Variants in IFT74 observed in about 807,000 individuals in gnomAD.
IFT74 encodes the protein intraflagellar transport 74.
A neutral mutation model predicts 96.7 loss-of-function variants in IFT74; 92 were observed. The ratio of observed to expected loss-of-function variants is 0.95; its 90% CI spans 0.80 to 1.13. The LOEUF (loss-of-function observed/expected upper bound fraction) is 1.13. Among genes scored for constraint, IFT74 ranks in the 50% most tolerant of loss-of-function variants. IFT74 has a pLI of 0.00. For synonymous variants in IFT74, 223 were observed against 213.2 expected (o/e 1.05, Z -0.40); for missense variants, 811 against 698.2 (o/e 1.16, Z -1.82).
In IFT74 at chr9:27,035,167, G is replaced by A. The variant is rs138462088; in HGVS notation, c.1054+6063G>A. ...TATTAATTAGTGACTTATTGTTAAT[G>A]CTGTTACTTTATAAAAGCAAAATTG... On this transcript the variant is annotated intron_variant, in intron 13 of 19. Coordinates refer to ENST00000380062, the MANE Select transcript of IFT74 (RefSeq NM_025103.4). 3.8e-3 allele frequency among the ~76,000 whole-genome samples: 585 copies of A among 152,272 alleles called. 5 individuals carry two copies. Among genetic ancestry groups the A allele is most frequent in the African/African-American group, 0.013 (560 of 41,564 alleles).
chr9:26,990,772 C>T (rs1258782359), intron 8 of IFT74, among the ~76,000 whole-genome samples: 1 of 152,086 alleles, frequency 6.6e-6, no homozygotes, highest in African/African-American at 2.4e-5. Context: ...TGTGTTTTGT[C>T]AGTTGTTTGG....
At chr9:26,975,763 A>G (rs985396943) in intron 2 of IFT74, among the ~76,000 whole-genome samples, 5 of 152,294 alleles carry the variant, frequency 3.3e-5, no homozygotes, top group Admixed American at 3.3e-4. Flanking sequence ...TTTCTTGCCT[A>G]TCGATTTCCA....
chr9:26,950,878 C>A (rs913874969), intron 1 of IFT74, among the ~76,000 whole-genome samples: 19 of 152,228 alleles, frequency 1.2e-4, no homozygotes, highest in African/African-American at 4.3e-4. Context: ...ATAACTAGAA[C>A]ATAGTGCAGC....
At chr9:26,990,616 ATCTACG>A (rs1217966243) in intron 8 of IFT74, among the ~76,000 whole-genome samples, 1 of 152,206 alleles carries the variant, frequency 6.6e-6, no homozygotes, top group Non-Finnish European at 1.5e-5. Context: ...TATATTAGCA[ATCTACG>A]TCATATATAG....
chr9:26,974,320 A>G (rs781517509), intron 2 of IFT74, among the ~76,000 whole-genome samples: 1 of 152,038 alleles, frequency 6.6e-6, no homozygotes, highest in Non-Finnish European at 1.5e-5. Flanking sequence ...CAATTTTCCA[A>G]TTTTTGTAAC....
At chr9:27,049,452 T>C (rs1819833557) in intron 16 of IFT74, among the ~76,000 whole-genome samples, 1 of 152,128 alleles carries the variant, frequency 6.6e-6, no homozygotes, top group Non-Finnish European at 1.5e-5. Context: ...GATGCAGACT[T>C]GAGCTGTTAG....
intron 1 of IFT74, among the ~76,000 whole-genome samples, chr9:26,948,445 A>ATTTTTTTTTTTTTTTT (rs1554662864): frequency 8.5e-5 from 4 of 47,312 alleles, no homozygotes; most frequent in East Asian, 9.7e-4. Context: ...ATGGCTTTCC[A>ATTTTTTTTTTTTTTTT]TTATTTTTTT....
At chr9:26,959,608 G>A (rs1826265814) in intron 1 of IFT74, among the ~76,000 whole-genome samples, 1 of 152,162 alleles carries the variant, frequency 6.6e-6, no homozygotes, top group African/African-American at 2.4e-5. Context: ...GGGATCAAGG[G>A]TAAATCAGAG....
At chr9:27,021,212 A>G (rs1337234785) in intron 12 of IFT74, among the ~76,000 whole-genome samples, 1 of 151,830 alleles carries the variant, frequency 6.6e-6, no homozygotes, top group African/African-American at 2.4e-5. Flanking sequence ...TACATACCAC[A>G]TTTTCTTTAT....
intron 8 of IFT74, among the ~76,000 whole-genome samples, chr9:27,002,742 C>T (rs978104296): frequency 2.0e-5 from 3 of 152,014 alleles, no homozygotes; most frequent in Non-Finnish European, 2.9e-5. Context: ...AGCTTTGTTC[C>T]TTTTTGCTGA....
chr9:27,013,438 T>A (rs1829205012), intron 10 of IFT74, among the ~76,000 whole-genome samples: 1 of 152,206 alleles, frequency 6.6e-6, no homozygotes, highest in South Asian at 2.1e-4. Flanking sequence ...ATTCTCACAA[T>A]GGGTCAAAAG....
At chr9:27,027,006 A>C (rs1829895027) in intron 12 of IFT74, among the ~76,000 whole-genome samples, 1 of 152,178 alleles carries the variant, frequency 6.6e-6, no homozygotes, top group Non-Finnish European at 1.5e-5. Context: ...TGAAACAAAA[A>C]ATTGAAAGAT....
chr9:27,021,132 CATATAT>C (rs1285222878), intron 12 of IFT74, among the ~76,000 whole-genome samples: 1 of 151,880 alleles, frequency 6.6e-6, no homozygotes, highest in African/African-American at 2.4e-5. Flanking sequence ...GTAGAATAAA[CATATAT>C]ATATGTATGT....
At chr9:26,948,777 A>T (rs1825844143) in intron 1 of IFT74, among the ~76,000 whole-genome samples, 1 of 152,090 alleles carries the variant, frequency 6.6e-6, no homozygotes, top group South Asian at 2.1e-4. Flanking sequence ...TTCCATTCTT[A>T]TAGTACAGCA....
At chr9:26,991,285 A>G (rs1036314537) in intron 8 of IFT74, among the ~76,000 whole-genome samples, 2 of 152,168 alleles carry the variant, frequency 1.3e-5, no homozygotes, top group South Asian at 2.1e-4. Flanking sequence ...TTGAAGTGAC[A>G]TGCTCATGGC....
At chr9:27,052,083 T>C (rs1819945029) in intron 16 of IFT74, among the ~76,000 whole-genome samples, 1 of 152,242 alleles carries the variant, frequency 6.6e-6, no homozygotes, top group African/African-American at 2.4e-5. Context: ...CTTTAAGCTA[T>C]CTTTCTGTAA....
chr9:27,005,967 C>G (rs1288379604), intron 8 of IFT74, among the ~76,000 whole-genome samples: 2 of 152,150 alleles, frequency 1.3e-5, no homozygotes, highest in Non-Finnish European at 2.9e-5. Flanking sequence ...CCTCAGCCTC[C>G]TGAGTAGCTG....
At chr9:27,013,542 T>G (rs1347197401) in intron 10 of IFT74, among the ~76,000 whole-genome samples, 1 of 152,252 alleles carries the variant, frequency 6.6e-6, no homozygotes, top group Non-Finnish European at 1.5e-5. Context: ...TGAATGCTTA[T>G]TTCCCCTGCA....
At chr9:27,027,069 A>G (rs921498861) in intron 12 of IFT74, among the ~76,000 whole-genome samples, 7 of 152,114 alleles carry the variant, frequency 4.6e-5, no homozygotes, top group African/African-American at 1.2e-4. Context: ...TGATAGACCA[A>G]TAGCAAGATT....
Sources: allele counts gnomAD v4.1 joint callset (sites outside exome capture counted in the v4.1 genomes callset), GRCh38; gene constraint gnomAD v4.1.1; transcripts MANE v1.5; gene names NCBI Gene and HGNC (gene_info 2026-07-23, HGNC 2026-07-21).